Variants in PALM2AKAP2 observed in about 807,000 individuals in gnomAD.
PALM2AKAP2 encodes the protein PALM2 and AKAP2 fusion, also known as PALM2-AKAP2 fusion protein.
In PALM2AKAP2, 37 loss-of-function variants were observed where a neutral mutation model predicts 71.5. That is an observed-to-expected ratio of 0.52 (90% confidence interval 0.40 to 0.68). The LOEUF (loss-of-function observed/expected upper bound fraction) is 0.68. PALM2AKAP2 is among the 30% of genes least tolerant of loss of function. The probability of loss-of-function intolerance (pLI) is 0.00; values close to 1 mark genes in which losing one functional copy is unlikely to be tolerated. For missense variants in PALM2AKAP2, 1,224 were observed against 1,191.8 expected (o/e 1.03, Z -0.40); for synonymous variants, 468 against 478.8 (o/e 0.98, Z 0.29).
intron 1 of PALM2AKAP2, among the ~76,000 whole-genome samples, chr9:109,730,433 A>G (rs1165979497): frequency 1.3e-5 from 2 of 152,216 alleles, no homozygotes; most frequent in Non-Finnish European, 2.9e-5. Flanking sequence ...TGCTGGTTTT[A>G]TAGGCTATTG....
At chr9:109,676,887 G>A (rs1175546066) in intron 1 of PALM2AKAP2, among the ~76,000 whole-genome samples, 3 of 152,210 alleles carry the variant, frequency 2.0e-5, no homozygotes, top group African/African-American at 7.2e-5. Flanking sequence ...ATAAGAGTAA[G>A]TAAGATGAAT....
At chr9:109,720,977 GC>G (rs1828396731) in intron 1 of PALM2AKAP2, among the ~76,000 whole-genome samples, 1 of 152,176 alleles carries the variant, frequency 6.6e-6, no homozygotes, top group Non-Finnish European at 1.5e-5. Context: ...ATACTTTAGA[GC>G]TTGCTCTCCA....
chr9:109,682,080 CAT>C (rs1229332841), intron 1 of PALM2AKAP2, among the ~76,000 whole-genome samples: 1 of 152,126 alleles, frequency 6.6e-6, no homozygotes, highest in Admixed American at 6.6e-5. Context: ...GAATTAATAA[CAT>C]GTAGTAATTT....
chr9:110,027,772 T>C (rs914434225), intron 7 of PALM2AKAP2, among the ~76,000 whole-genome samples: 8 of 152,182 alleles, frequency 5.3e-5, no homozygotes, highest in African/African-American at 1.9e-4. Context: ...CGGTGGTGAA[T>C]AGAGGCCACA....
chr9:109,880,580 G>T lies in PALM2AKAP2; in HGVS notation c.156G>T (p.Leu52=). The stretch of plus-strand genomic sequence containing the variant: ...AAGTGCTTCGGGAGAAATGGCTGCT[G>T]CAGGGCATACCCGCTGGAACTGCCG... The change falls in exon 3 of 10, where the codon CTG becomes CTT. Residue 52 remains leucine (L), a synonymous_variant. Coordinates refer to the PALM2AKAP2 transcript ENST00000302798. 1.9e-6 allele frequency: 3 copies of T among 1,613,348 alleles called. 1 individual carries two copies. The South Asian group carries it at 3.3e-5, about 18-fold the overall frequency.
chr9:109,976,607 C>A (rs1832177003), intron 6 of PALM2AKAP2, among the ~76,000 whole-genome samples: 1 of 152,176 alleles, frequency 6.6e-6, no homozygotes. Context: ...GAGAGGTTTT[C>A]TCTGGCTTCC....
intron 6 of PALM2AKAP2, among the ~76,000 whole-genome samples, chr9:110,008,501 A>C (rs540361305): frequency 1.8e-3 from 281 of 152,150 alleles, no homozygotes; most frequent in African/African-American, 6.3e-3. Flanking sequence ...AGGAGAAAAA[A>C]CTTAAATGGC....
chr9:109,719,583 A>G (rs1828375864), intron 1 of PALM2AKAP2, among the ~76,000 whole-genome samples: 1 of 152,232 alleles, frequency 6.6e-6, no homozygotes, highest in Non-Finnish European at 1.5e-5. Context: ...GAGGGTCACC[A>G]GTATGAATAT....
chr9:109,643,163 T>C (rs1483770708), intron 1 of PALM2AKAP2, among the ~76,000 whole-genome samples: 7 of 151,626 alleles, frequency 4.6e-5, no homozygotes, highest in African/African-American at 1.7e-4. Context: ...CAATTGAGAG[T>C]AACATAATTC....
chr9:109,661,115 C>A (rs1280796031), intron 1 of PALM2AKAP2, among the ~76,000 whole-genome samples: 3 of 152,100 alleles, frequency 2.0e-5, no homozygotes, highest in Admixed American at 6.5e-5. Flanking sequence ...CTGTAGGTTG[C>A]CTGTTCATTC....
chr9:109,680,965 C>T (rs1442959055), intron 1 of PALM2AKAP2, among the ~76,000 whole-genome samples: 1 of 151,936 alleles, frequency 6.6e-6, no homozygotes, highest in East Asian at 1.9e-4. Context: ...CAGAGTTAGA[C>T]AATAAGGAAA....
chr9:109,661,094 T>G (rs1827387351), intron 1 of PALM2AKAP2, among the ~76,000 whole-genome samples: 1 of 152,202 alleles, frequency 6.6e-6, no homozygotes, highest in East Asian at 1.9e-4. Context: ...TTGCAAAAAT[T>G]TTCTCCCATT....
chr9:109,785,254 C>A (rs1268514081), intron 1 of PALM2AKAP2, among the ~76,000 whole-genome samples: 1 of 152,216 alleles, frequency 6.6e-6, no homozygotes, highest in Non-Finnish European at 1.5e-5. Context: ...TTAATTAGAA[C>A]CCACTCTGTG....
intron 6 of PALM2AKAP2, among the ~76,000 whole-genome samples, chr9:109,996,098 G>A (rs1479752472): frequency 1.3e-5 from 2 of 152,184 alleles, no homozygotes; most frequent in African/African-American, 2.4e-5. Context: ...ACCACCTGCT[G>A]TTTTAACAAC....
intron 1 of PALM2AKAP2, among the ~76,000 whole-genome samples, chr9:109,660,919 G>A (rs1372800047): frequency 6.6e-6 from 1 of 152,174 alleles, no homozygotes; most frequent in Admixed American, 6.5e-5. Context: ...GATGACCAGT[G>A]ATGATGAGCA....
intron 1 of PALM2AKAP2, among the ~76,000 whole-genome samples, chr9:109,719,925 AT>A (rs1828380578): frequency 6.6e-6 from 1 of 152,192 alleles, no homozygotes; most frequent in African/African-American, 2.4e-5. Flanking sequence ...TTGCTCTAGA[AT>A]GGAGAGTGAC....
At chr9:109,967,667 C>T (rs1001603102) in intron 6 of PALM2AKAP2, among the ~76,000 whole-genome samples, 40 of 152,202 alleles carry the variant, frequency 2.6e-4, no homozygotes, top group South Asian at 4.1e-4. Flanking sequence ...GCCTTGGCCT[C>T]CCAAAGTGTT....
chr9:110,131,102 C>A (rs563786932), intron 1 of PALM2AKAP2, among the ~76,000 whole-genome samples: 1 of 152,114 alleles, frequency 6.6e-6, no homozygotes, highest in African/African-American at 2.4e-5. Context: ...GTTGTCAGAC[C>A]CTGGAATGTA....
At chr9:109,811,596 G>T (rs1827728587) in intron 1 of PALM2AKAP2, among the ~76,000 whole-genome samples, 2 of 152,058 alleles carry the variant, frequency 1.3e-5, no homozygotes, top group African/African-American at 4.8e-5. Context: ...TTTAGAGATG[G>T]AGTCTTGCTC....
Sources: allele counts gnomAD v4.1 joint callset (sites outside exome capture counted in the v4.1 genomes callset), GRCh38; gene constraint gnomAD v4.1.1; transcripts MANE v1.5; gene names NCBI Gene and HGNC (gene_info 2026-07-23, HGNC 2026-07-21).